ST7: variants seen among roughly 807,000 people sequenced by gnomAD.
ST7 encodes the protein suppression of tumorigenicity 7.
In ST7, 28 loss-of-function variants were observed where a neutral mutation model predicts 78.7. The observed-to-expected ratio is 0.36, with a 90% CI of 0.26 to 0.49. The LOEUF is 0.49. Ranked by LOEUF, ST7 falls within the 20% of genes least tolerant of loss-of-function variation. The probability of loss-of-function intolerance (pLI) is 0.99; values close to 1 mark genes in which losing one functional copy is unlikely to be tolerated. For missense variants in ST7, 418 were observed against 696.0 expected, an observed-to-expected ratio of 0.60 and a Z score of 4.49; for synonymous variants, 247 against 249.6, an observed-to-expected ratio of 0.99 and a Z score of 0.10.
intron 1 of ST7, among the ~76,000 whole-genome samples, chr7:117,003,322 C>A (rs1584427580): frequency 6.7e-6 from 1 of 150,184 alleles, no homozygotes; most frequent in East Asian, 2.0e-4. Context: ...TTCTGAGACA[C>A]AGTCTCACTC....
chr7:117,189,469 G>C, intron 11 of ST7, 76 bp downstream of exon 11: 1 of 1,237,034 alleles, frequency 8.1e-7, no homozygotes, highest in Non-Finnish European at 1.1e-6. Context: ...GCTTTCTCTG[G>C]AAGTTTCTCT....
At chr7:117,118,432 T>G (rs1404530504) in intron 2 of ST7, 2 of 152,244 alleles carry the variant, frequency 1.3e-5, no homozygotes, top group Non-Finnish European at 2.9e-5. Context: ...TTCATAAATG[T>G]TCCTTATATC....
intron 1 of ST7, among the ~76,000 whole-genome samples, chr7:117,075,497 G>C (rs925706068): frequency 1.3e-5 from 2 of 152,186 alleles, no homozygotes; most frequent in African/African-American, 4.8e-5. Flanking sequence ...CAGCCTCTCA[G>C]CACAGCCCAT....
chr7:117,115,631 G>T (rs1051526748), intron 2 of ST7, among the ~76,000 whole-genome samples: 2 of 152,140 alleles, frequency 1.3e-5, no homozygotes, highest in African/African-American at 4.8e-5. Context: ...TGCGATTACA[G>T]GCATGAGCCA....
intron 1 of ST7, among the ~76,000 whole-genome samples, chr7:117,015,641 G>A (rs1392887006): frequency 2.0e-5 from 3 of 152,160 alleles, no homozygotes; most frequent in Non-Finnish European, 4.4e-5. Context: ...ACCATGGGTG[G>A]TGGTTACTTG....
intron 1 of ST7, chr7:117,015,086 TA>T (rs1173948548): frequency 1.3e-5 from 10 of 771,676 alleles, no homozygotes; most frequent in African/African-American, 1.2e-4. Flanking sequence ...ATTTATATTT[TA>T]AAAACTACAT....
intron 1 of ST7, among the ~76,000 whole-genome samples, chr7:116,988,905 A>C (rs1160943074): frequency 6.6e-6 from 1 of 152,164 alleles, no homozygotes; most frequent in East Asian, 1.9e-4. Flanking sequence ...GCAAATACCT[A>C]CTGAGGGTTT....
chr7:117,155,090 T>G (rs982467977), intron 9 of ST7, among the ~76,000 whole-genome samples: 1 of 152,030 alleles, frequency 6.6e-6, no homozygotes, highest in Admixed American at 6.6e-5. Flanking sequence ...GCTGTCATGG[T>G]AGGTAACAGG....
intron 1 of ST7, among the ~76,000 whole-genome samples, chr7:117,032,503 T>C (rs1285386205): frequency 6.6e-6 from 1 of 152,204 alleles, no homozygotes; most frequent in Non-Finnish European, 1.5e-5. Context: ...TGGATCCTTA[T>C]GATCAAGAGA....
chr7:117,033,862 G>A (rs1402873235), intron 1 of ST7, among the ~76,000 whole-genome samples: 1 of 152,110 alleles, frequency 6.6e-6, no homozygotes, highest in African/African-American at 2.4e-5. Context: ...TAACTTCTCT[G>A]GCTTCAGTTT....
At chr7:117,130,241 G>A (rs1804235291) in intron 4 of ST7, among the ~76,000 whole-genome samples, 1 of 151,848 alleles carries the variant, frequency 6.6e-6, no homozygotes, top group Non-Finnish European at 1.5e-5. Context: ...ATATGAATTA[G>A]GGAAGGTTTT....
intron 3 of ST7, among the ~76,000 whole-genome samples, chr7:117,120,702 G>A (rs936306904): frequency 1.1e-4 from 17 of 152,204 alleles, no homozygotes; most frequent in Middle Eastern, 3.4e-3. Flanking sequence ...CTCTACTTCT[G>A]TTAATCTTTA....
chr7:117,011,619 G>C lies in ST7; in HGVS notation c.151+57928G>C, dbSNP rs375010128. On this transcript the variant is annotated intron_variant, in intron 1 of 15. Transcript: ENST00000323984. ...CAGTAATGATTCTTTCTCCAACCTG[G>C]ATCACGAAGGGTTAAATTGTAGCAG... Among the ~76,000 whole-genome samples, 23 of 152,266 alleles carry C rather than the reference G, an allele frequency of 1.5e-4. 1 individual carries two copies. Among genetic ancestry groups the C allele is most frequent in the Admixed American group, 2.6e-4 (4 of 15,296 alleles).
chr7:116,981,624 C>T (rs189909075), intron 1 of ST7, among the ~76,000 whole-genome samples: 2 of 152,274 alleles, frequency 1.3e-5, no homozygotes, highest in East Asian at 3.9e-4. Context: ...TTTGTGGAAA[C>T]ACTTTGAAAC....
At chr7:117,008,612 G>C (rs2115890662) in intron 1 of ST7, among the ~76,000 whole-genome samples, 1 of 152,328 alleles carries the variant, frequency 6.6e-6, no homozygotes, top group East Asian at 1.9e-4. Context: ...CAGTTCTAAT[G>C]TGATAGGGAA....
chr7:117,012,663 C>T (rs1013104637), intron 1 of ST7, among the ~76,000 whole-genome samples: 4 of 151,572 alleles, frequency 2.6e-5, no homozygotes, highest in Non-Finnish European at 5.9e-5. Context: ...AGTAAGTAAA[C>T]CAAGGCTCAG....
intron 1 of ST7, 127 bp from the exon 2 acceptor site, chr7:117,099,635 A>G (rs982481620): frequency 5.4e-5 from 35 of 651,042 alleles, no homozygotes; most frequent in South Asian, 4.9e-4. Context: ...GGATCTTACT[A>G]TGGTTCTAAG....
chr7:117,068,475 C>T (rs1406101725), intron 1 of ST7, among the ~76,000 whole-genome samples: 1 of 152,192 alleles, frequency 6.6e-6, no homozygotes, highest in East Asian at 1.9e-4. Context: ...CAGTATGTTA[C>T]ACATCTTCAA....
chr7:117,087,942 G>T (rs971048067), intron 1 of ST7, among the ~76,000 whole-genome samples: 1 of 152,132 alleles, frequency 6.6e-6, no homozygotes, highest in African/African-American at 2.4e-5. Context: ...GTCTGTCTTT[G>T]TCACATCTCT....
Sources: gnomAD v4.1 joint callset for allele counts (sites outside exome capture counted in the v4.1 genomes callset) on GRCh38, gnomAD v4.1.1 for gene constraint, MANE v1.5 for transcripts, NCBI Gene and HGNC (gene_info 2026-07-23, HGNC 2026-07-21) for gene names.